The following SASH1 variants were observed in gnomAD, a reference collection of about 807,000 sequenced individuals.
SASH1 encodes the protein SAM and SH3 domain containing 1.
Under a neutral mutation model 125.2 loss-of-function variants are expected in SASH1, and 44 were observed. That is an observed-to-expected ratio of 0.35 (90% CI 0.28 to 0.45). SASH1 has a LOEUF of 0.45. Among genes scored for constraint, SASH1 ranks in the 20% least tolerant of loss-of-function variants. SASH1 has a pLI of 1.00. For synonymous variants in SASH1, 639 were observed against 649.1 expected (o/e 0.98, Z 0.24); for missense variants, 1,426 against 1,614.5 (o/e 0.88, Z 2.00).
chr6:148,511,371 A>ACACC (rs1562470085), intron 8 of SASH1, among the ~76,000 whole-genome samples: 1 of 126,824 alleles, frequency 7.9e-6, no homozygotes, highest in African/African-American at 3.0e-5. Context: ...ACACACACAC[A>ACACC]CACCTTGGAT....
chr6:148,307,892 T>C (rs969454183), intron 1 of SASH1, among the ~76,000 whole-genome samples: 1 of 152,118 alleles, frequency 6.6e-6, no homozygotes, highest in Non-Finnish European at 1.5e-5. Flanking sequence ...TCTGAAATAA[T>C]TCAGCTGACT....
chr6:148,383,211 A>G (rs1471644477), intron 1 of SASH1, among the ~76,000 whole-genome samples: 1 of 152,250 alleles, frequency 6.6e-6, no homozygotes, highest in Non-Finnish European at 1.5e-5. Flanking sequence ...AAAAGTGTTT[A>G]TCACCTTAAA....
chr6:148,253,273 T>G, the SASH1 span, among the ~76,000 whole-genome samples: 1 of 152,306 alleles, frequency 6.6e-6, no homozygotes, highest in East Asian at 1.9e-4. Context: ...ACCCTCATGT[T>G]TATGGTCATT....
At chr6:148,520,881 A>T (rs1281928518) in intron 10 of SASH1, among the ~76,000 whole-genome samples, 1 of 152,198 alleles carries the variant, frequency 6.6e-6, no homozygotes, top group Non-Finnish European at 1.5e-5. Flanking sequence ...CATTTATTTT[A>T]TTAGTAGAGG....
At position 148,551,223 on chromosome 6, in the gene SASH1, T is replaced by A. The variant is rs1782862930; in HGVS notation, c.*2665T>A. 1 of 152,388 alleles carries A rather than the reference T, an allele frequency of 6.6e-6. No homozygotes were observed. The highest frequency in any genetic ancestry group is 2.4e-5 in the African/African-American group (1 of 41,370). The allele number at this position is 152,388 out of a possible 1,614,324, so 9.4% of individuals were successfully genotyped here. A position where few individuals can be genotyped will look rare whatever the true frequency, so the allele number is the denominator to read the frequency against. On this transcript the variant is annotated 3_prime_UTR_variant, in exon 20 of 20. Transcript: ENST00000367467. ...GTTTGGGTGTGACGTTTGACTGAGG[T>A]GGATTGGGGCTGCCTGTGGACATTA...
At chr6:148,413,898 A>T (rs1784722445) in intron 2 of SASH1, among the ~76,000 whole-genome samples, 1 of 145,782 alleles carries the variant, frequency 6.9e-6, no homozygotes, top group African/African-American at 2.5e-5. Flanking sequence ...GACGAAGCAT[A>T]AAAAAAAAAA....
chr6:148,482,042 T>C (rs1778646845), intron 7 of SASH1, among the ~76,000 whole-genome samples: 1 of 151,694 alleles, frequency 6.6e-6, no homozygotes, highest in South Asian at 2.1e-4. Context: ...TTCAATCTTT[T>C]ACTAATTCCA....
chr6:148,327,242 CGAAT>C (rs552385857), intron 1 of SASH1, among the ~76,000 whole-genome samples: 27 of 151,256 alleles, frequency 1.8e-4, no homozygotes, highest in Admixed American at 1.1e-3. Flanking sequence ...AACGAACGGA[CGAAT>C]GAATGAATGA....
intron 2 of SASH1, among the ~76,000 whole-genome samples, chr6:148,439,452 C>T (rs888977772): frequency 4.6e-5 from 7 of 152,164 alleles, no homozygotes; most frequent in Non-Finnish European, 1.0e-4. Context: ...TTCTCCTAAG[C>T]TATTAAGTGC....
At chr6:148,531,867 G>A (rs928677553) in intron 13 of SASH1, among the ~76,000 whole-genome samples, 1 of 152,062 alleles carries the variant, frequency 6.6e-6, no homozygotes, top group Non-Finnish European at 1.5e-5. Context: ...AAAACAGGAG[G>A]TGATGAATTT....
intron 7 of SASH1, chr6:148,480,321 T>TA (rs67748460): frequency 0.12 from 14,404 of 122,276 alleles, 828 homozygotes; most frequent in Non-Finnish European, 0.16. Context: ...AACTCCATCT[T>TA]AAAAAAAAAA....
chr6:148,531,789 C>T, intron 13 of SASH1, 128 bp downstream of exon 13: 1 of 714,494 alleles, frequency 1.4e-6, no homozygotes, highest in Non-Finnish European at 2.0e-6. Flanking sequence ...ATTAGAGAAT[C>T]AGACCAATAA....
chr6:148,247,687 T>C, the SASH1 span, among the ~76,000 whole-genome samples: 1 of 152,210 alleles, frequency 6.6e-6, no homozygotes. Flanking sequence ...AAAGAAACAA[T>C]AAACCTTTAT....
intron 4 of SASH1, among the ~76,000 whole-genome samples, chr6:148,460,891 T>A (rs375186998): frequency 3.3e-5 from 5 of 152,152 alleles, no homozygotes; most frequent in Non-Finnish European, 7.4e-5. Flanking sequence ...ATAAAATAAT[T>A]TACAAGGAGG....
At chr6:148,469,790 G>A (rs1308696202) in intron 5 of SASH1, among the ~76,000 whole-genome samples, 1 of 152,042 alleles carries the variant, frequency 6.6e-6, no homozygotes. Flanking sequence ...CACTTTGGGA[G>A]GCCGAGGAGG....
chr6:148,238,633 C>T, the SASH1 span, among the ~76,000 whole-genome samples: 1 of 49,408 alleles, frequency 2.0e-5, no homozygotes, highest in Non-Finnish European at 4.0e-5. Flanking sequence ...CATACACACA[C>T]ACACACACAC....
chr6:148,300,442 A>ATTTTTTTTTTTTTTTTTTTTTTT (rs34126353), intron 1 of SASH1, among the ~76,000 whole-genome samples: 1 of 108,362 alleles, frequency 9.2e-6, no homozygotes, highest in Non-Finnish European at 1.8e-5. Flanking sequence ...CAGAAACAAG[A>ATTTTTTTTTTTTTTTTTTTTTTT]TTTTTTTTTT....
At chr6:148,331,756 A>G (rs990280297) in intron 1 of SASH1, among the ~76,000 whole-genome samples, 2 of 152,038 alleles carry the variant, frequency 1.3e-5, no homozygotes, top group Non-Finnish European at 2.9e-5. Flanking sequence ...CAGTGGTACA[A>G]TCATGGCTCA....
At chr6:148,443,170 C>T (rs1178635176) in intron 4 of SASH1, among the ~76,000 whole-genome samples, 1 of 146,976 alleles carries the variant, frequency 6.8e-6, no homozygotes, top group Non-Finnish European at 1.5e-5. Context: ...AAAAAAATGG[C>T]TCACGGCATG....
Sources: allele counts gnomAD v4.1 joint callset (sites outside exome capture counted in the v4.1 genomes callset), GRCh38; gene constraint gnomAD v4.1.1; transcripts MANE v1.5; gene names NCBI Gene and HGNC (gene_info 2026-07-23, HGNC 2026-07-21).